The following PLA2G6 variants were observed in gnomAD, a reference collection of about 807,000 sequenced individuals.
The protein encoded by PLA2G6 is phospholipase A2 group VI.
Under a neutral mutation model 83.8 loss-of-function variants are expected in PLA2G6, and 62 were observed. That is an observed-to-expected ratio of 0.74 (90% confidence interval 0.60 to 0.91). The LOEUF (loss-of-function observed/expected upper bound fraction) is 0.91, where lower values mean the gene tolerates loss of function less well. Ranked by LOEUF, PLA2G6 falls within the 40% of genes least tolerant of loss-of-function variation. The pLI is 0.00. For missense variants in PLA2G6, 944 were observed against 1,102.0 expected (o/e 0.86, Z 2.03); for synonymous variants, 417 against 449.8 (o/e 0.93, Z 0.92).
intron 4 of PLA2G6, chr22:38,142,082 C>T (rs976533699): frequency 6.6e-6 from 1 of 150,574 alleles, no homozygotes; most frequent in Non-Finnish European, 1.5e-5. Context: ...GTAATCCCAG[C>T]TACTCAGGAA....
intron 1 of PLA2G6, among the ~76,000 whole-genome samples, chr22:38,180,562 A>G (rs1455407467): frequency 6.6e-6 from 1 of 152,210 alleles, no homozygotes; most frequent in Non-Finnish European, 1.5e-5. Context: ...GAGGTGATGA[A>G]CAAACACTGC....
intron 2 of PLA2G6, among the ~76,000 whole-genome samples, chr22:38,160,978 T>C (rs538333998): frequency 4.4e-4 from 67 of 152,326 alleles, no homozygotes; most frequent in African/African-American, 1.6e-3. Context: ...CAGGTGTTTG[T>C]GATAAATCAC....
intron 5 of PLA2G6, 30 bp downstream of exon 5, chr22:38,139,952 C>A (rs1272924252): frequency 6.6e-7 from 1 of 1,525,010 alleles, no homozygotes; most frequent in South Asian, 1.2e-5. Flanking sequence ...GCCCAGCAGG[C>A]CAGCAGATGG....
At chr22:38,175,508 C>T (rs1294527094) in intron 1 of PLA2G6, among the ~76,000 whole-genome samples, 1 of 152,222 alleles carries the variant, frequency 6.6e-6, no homozygotes, top group Admixed American at 6.5e-5. Flanking sequence ...CAGAACACGT[C>T]AAACTCGTGT....
chr22:38,151,545 G>T (rs192036456), intron 2 of PLA2G6, among the ~76,000 whole-genome samples: 4 of 152,176 alleles, frequency 2.6e-5, no homozygotes, highest in African/African-American at 9.6e-5. Context: ...TGGGCCAAAA[G>T]CTTTCTCTTC....
chr22:38,129,030 C>A (rs1234207383), intron 8 of PLA2G6, among the ~76,000 whole-genome samples: 2 of 152,256 alleles, frequency 1.3e-5, no homozygotes, highest in Non-Finnish European at 2.9e-5. Flanking sequence ...TGCGAGCGTG[C>A]AGCACATGGC....
At chr22:38,114,324 G>A (rs1288487152) in intron 14 of PLA2G6, among the ~76,000 whole-genome samples, 2 of 152,234 alleles carry the variant, frequency 1.3e-5, no homozygotes, top group Non-Finnish European at 1.5e-5. Flanking sequence ...GGGACTACAG[G>A]CTCCTGCCAC....
chr22:38,164,242 C>T (rs1285563929), intron 2 of PLA2G6, among the ~76,000 whole-genome samples: 4 of 152,198 alleles, frequency 2.6e-5, no homozygotes, highest in Non-Finnish European at 5.9e-5. Context: ...AGGATCAGCC[C>T]AGGCGGGTGG....
At chr22:38,170,488 A>T (rs1368537081) in intron 1 of PLA2G6, among the ~76,000 whole-genome samples, 2 of 152,112 alleles carry the variant, frequency 1.3e-5, no homozygotes, top group African/African-American at 4.8e-5. Flanking sequence ...CAGGAGCAGC[A>T]GTGTCTGGGT....
intron 2 of PLA2G6, among the ~76,000 whole-genome samples, chr22:38,154,511 C>T (rs1035596205): frequency 2.0e-5 from 3 of 152,254 alleles, no homozygotes; most frequent in Non-Finnish European, 4.4e-5. Flanking sequence ...CCAAGTGGTA[C>T]CTTTACGAGT....
intron 3 of PLA2G6, 66 bp from the exon 4 acceptor site, chr22:38,143,354 G>A: frequency 6.7e-7 from 1 of 1,490,120 alleles, no homozygotes; most frequent in South Asian, 1.1e-5. Flanking sequence ...GGGGACCTAA[G>A]TGCACATGCA....
chr22:38,156,516 CG>C (rs1569288904), intron 2 of PLA2G6, among the ~76,000 whole-genome samples: 1 of 151,888 alleles, frequency 6.6e-6, no homozygotes, highest in Non-Finnish European at 1.5e-5. Flanking sequence ...TGCAGCGGCG[CG>C]ATCTCGGCTC....
Position 38,131,877 on chromosome 22 carries a change from A to T in PLA2G6, c.1077+954T>A, listed in dbSNP as rs1403205908. The T allele has an allele frequency of 1.5e-5, 5 of 322,780 alleles. No individual in the cohort carries two copies. In the Admixed American group the frequency reaches 2.2e-4, roughly 14 times the overall value. 20.0% of individuals were successfully genotyped at this position (322,780 alleles called of 1,614,324 possible). A position where few individuals can be genotyped will look rare whatever the true frequency, so the allele number is the denominator to read the frequency against. On this transcript the variant is annotated intron_variant, in intron 7 of 16. Coordinates refer to ENST00000332509, the MANE Select transcript of PLA2G6 (RefSeq NM_003560.4). ...GCCAAGGCGGGTGGATCATGAGGTC[A>T]GGAGTTTGAGACCAGCCTGGCCAAC...
intron 2 of PLA2G6, among the ~76,000 whole-genome samples, chr22:38,164,268 G>C (rs575259933): frequency 1.1e-4 from 17 of 152,272 alleles, no homozygotes; most frequent in African/African-American, 3.9e-4. Flanking sequence ...CACTCAGCTC[G>C]CCACACTACA....
In PLA2G6 at chr22:38,132,296, A is replaced by C. The variant is rs1390992613; in HGVS notation, c.1077+535T>G. On this transcript the variant is annotated intron_variant, in intron 7 of 16. Transcript: ENST00000332509. This position sits in a 1 kb window ranked among gnomAD's most constrained non-coding sequence, Gnocchi z 5.0. ...CCTGCCACAGGCTGCTGGGCTGCAC[A>C]CTCAGGCTTTGCCTGCCAGGATCTT... 9 of 331,482 alleles carry C rather than the reference A, an allele frequency of 2.7e-5. 1 individual carries two copies. In the Middle Eastern group the frequency reaches 2.4e-3, roughly 87 times the overall value. The allele number at this position is 331,482 out of a possible 1,614,324, so 20.5% of individuals were successfully genotyped here. A position where few individuals can be genotyped will look rare whatever the true frequency, so the allele number is the denominator to read the frequency against.
At chr22:38,127,473 G>C (rs1188079703) in intron 9 of PLA2G6, 1 of 1,322,246 alleles carries the variant, frequency 7.6e-7, no homozygotes, top group Non-Finnish European at 1.0e-6. Flanking sequence ...AAAATTGAGA[G>C]ATAAAGATGG....
intron 2 of PLA2G6, 173 bp from the exon 3 acceptor site, chr22:38,145,826 C>G (rs1307046418): frequency 7.6e-6 from 5 of 659,068 alleles, no homozygotes; most frequent in Non-Finnish European, 1.4e-5. Flanking sequence ...CACACACACA[C>G]ACACACACCC....
rs555804515 is a variant in PLA2G6 at position 38,173,388 on chromosome 22, C to T, written c.-45-3917G>A. 2.0e-3 allele frequency among the ~76,000 whole-genome samples: 298 copies of T among 152,034 alleles called. 1 individual carries two copies. Among genetic ancestry groups the T allele is most frequent in the African/African-American group, 7.0e-3 (291 of 41,484 alleles). ...AGGTCACCTGACACAGACCGCACCT[C>T]GGCTGTGTCAAGCAGCTCTCTCAAA... is the stretch of plus-strand genomic sequence containing the variant. On this transcript the variant is annotated intron_variant, in intron 1 of 16. Transcript: ENST00000332509.
intron 10 of PLA2G6, among the ~76,000 whole-genome samples, chr22:38,126,020 A>G (rs997743432): frequency 1.3e-5 from 2 of 152,144 alleles, no homozygotes; most frequent in African/African-American, 4.8e-5. Flanking sequence ...AGCCAGTAGG[A>G]GCAGTGGGAA....
Sources: gnomAD v4.1 joint callset for allele counts (sites outside exome capture counted in the v4.1 genomes callset) on GRCh38, gnomAD v4.1.1 for gene constraint, Gnocchi (gnomAD v3.1) non-coding constraint, MANE v1.5 for transcripts, NCBI Gene and HGNC (gene_info 2026-07-23, HGNC 2026-07-21) for gene names.